The following IKZF2 variants were observed in gnomAD, a reference collection of about 807,000 sequenced individuals.
IKZF2 encodes zinc finger protein Helios.
Under a neutral mutation model 49.2 loss-of-function variants are expected in IKZF2, and 15 were observed. The ratio of observed to expected loss-of-function variants is 0.30; its 90% confidence interval spans 0.20 to 0.47. The LOEUF is 0.47. Among genes scored for constraint, IKZF2 ranks in the 20% least tolerant of loss-of-function variants. The pLI, the probability that IKZF2 is intolerant of heterozygous loss-of-function variation, is 1.00. For synonymous variants in IKZF2, 227 were observed against 221.4 expected (o/e 1.03, Z -0.23); for missense variants, 567 against 664.6 (o/e 0.85, Z 1.61).
In IKZF2 at chr2:213,022,143, C is replaced by T; in HGVS notation, c.575-13G>A. ...TGAGGTTTACCCACTGTGAAGAGAACTCAAGGTCAGTGTGCTGTTAGTCTC... is the reference window on the plus strand; with the variant it reads ...TGAGGTTTACCCACTGTGAAGAGAATTCAAGGTCAGTGTGCTGTTAGTCTC... On this transcript the variant is annotated splice_polypyrimidine_tract_variant and intron_variant, in intron 6 of 8. Transcript: ENST00000434687. The T allele has an allele frequency of 1.3e-6, 2 of 1,592,504 alleles. No individual in the cohort carries two copies. The highest frequency in any genetic ancestry group is 1.1e-5 in the South Asian group (1 of 87,372).
chr2:213,123,955 G>A lies in IKZF2; in HGVS notation c.139+23753C>T, dbSNP rs116523940. Among the ~76,000 whole-genome samples the A allele has an allele frequency of 2.6e-3, 386 of 148,080 alleles. 2 individuals carry two copies. Among genetic ancestry groups the A allele is most frequent in the African/African-American group, 8.3e-3 (334 of 40,414 alleles). On this transcript the variant is annotated intron_variant, in intron 4 of 8. Transcript: ENST00000434687. The stretch of plus-strand genomic sequence containing the variant: ...TGAGTCTTAGTGAAAAAAAAAAGCA[G>A]TGACATTTCAGACAGGCAGATGAGG...
At chr2:213,133,602 G>A (rs945009162) in intron 4 of IKZF2, among the ~76,000 whole-genome samples, 3 of 151,720 alleles carry the variant, frequency 2.0e-5, no homozygotes, top group African/African-American at 4.9e-5. Flanking sequence ...ATGGTGGCAG[G>A]TACCTGTAAT....
intron 4 of IKZF2, among the ~76,000 whole-genome samples, chr2:213,069,367 A>G (rs1401682792): frequency 6.6e-6 from 1 of 152,154 alleles, no homozygotes; most frequent in African/African-American, 2.4e-5. Context: ...ATAACCATTA[A>G]AAGTTATTTT....
intron 4 of IKZF2, among the ~76,000 whole-genome samples, chr2:213,096,922 A>C (rs1297062394): frequency 1.3e-5 from 2 of 152,068 alleles, no homozygotes; most frequent in South Asian, 2.1e-4. Flanking sequence ...ATGGTGAGTA[A>C]AACATGGTAT....
intron 6 of IKZF2, among the ~76,000 whole-genome samples, chr2:213,030,071 G>T (rs185730985): frequency 7.2e-5 from 11 of 152,132 alleles, no homozygotes; most frequent in Admixed American, 3.9e-4. Context: ...ATCAGAAATT[G>T]ATCTCTGTAT....
chr2:213,135,190 A>G (rs1014858130), intron 4 of IKZF2, among the ~76,000 whole-genome samples: 8 of 152,228 alleles, frequency 5.3e-5, no homozygotes, highest in Non-Finnish European at 8.8e-5. Context: ...CTTGTTTGTT[A>G]CATGCAAGAT....
chr2:213,040,775 A>G (rs1474695917), intron 6 of IKZF2, among the ~76,000 whole-genome samples: 6 of 152,334 alleles, frequency 3.9e-5, no homozygotes, highest in South Asian at 4.1e-4. Context: ...AATCTGAGAC[A>G]AAACTAATAA....
At chr2:213,118,525 AACTC>A (rs2059949281) in intron 4 of IKZF2, among the ~76,000 whole-genome samples, 1 of 152,238 alleles carries the variant, frequency 6.6e-6, no homozygotes, top group Non-Finnish European at 1.5e-5. Flanking sequence ...AAAAAACACT[AACTC>A]TAACAAACTG....
chr2:213,082,597 T>C (rs1204902991), intron 4 of IKZF2, among the ~76,000 whole-genome samples: 1 of 152,206 alleles, frequency 6.6e-6, no homozygotes, highest in East Asian at 1.9e-4. Flanking sequence ...AACACATATA[T>C]AGTCAATATC....
chr2:213,141,426 G>C (rs1409840115), intron 4 of IKZF2, among the ~76,000 whole-genome samples: 2 of 151,854 alleles, frequency 1.3e-5, no homozygotes, highest in African/African-American at 4.8e-5. Flanking sequence ...TCTCATACAA[G>C]ATGTTCCATT....
intron 4 of IKZF2, among the ~76,000 whole-genome samples, chr2:213,116,914 A>G (rs947069128): frequency 4.6e-5 from 7 of 152,218 alleles, no homozygotes; most frequent in African/African-American, 1.7e-4. Flanking sequence ...AATATAATTT[A>G]TAAAAATCAC....
At chr2:213,063,487 G>A (rs138228148) in intron 4 of IKZF2, among the ~76,000 whole-genome samples, 181 of 151,938 alleles carry the variant, frequency 1.2e-3, no homozygotes, top group African/African-American at 4.2e-3. Flanking sequence ...AATAACACTT[G>A]ATGTTTCTGA....
rs77078951 is a variant in IKZF2, at chr2:213,145,144, T to A, written c.139+2564A>T. 1.6e-4 allele frequency among the ~76,000 whole-genome samples: 25 copies of A among 151,600 alleles called. No homozygotes were observed. In the East Asian group the frequency reaches 4.8e-3, roughly 29 times the overall value. On this transcript the variant is annotated intron_variant, in intron 4 of 8. Coordinates refer to ENST00000434687, the MANE Select transcript of IKZF2 (RefSeq NM_001387220.1). The stretch of plus-strand genomic sequence containing the variant: ...TGAGCTCTCATGCCTTATTGATACT[T>A]TTCTGGCCAGAATGTTAGCTGTTTT...
At chr2:213,151,823 G>C (rs1462962637), upstream of IKZF2, among the ~76,000 whole-genome samples, 1 of 148,876 alleles carries the variant, frequency 6.7e-6, no homozygotes, top group Non-Finnish European at 1.5e-5. Context: ...TGCGGGGCCC[G>C]AGCGCCTGTG....
At chr2:213,148,499 G>C (rs2061158477) in intron 3 of IKZF2, 97 bp downstream of exon 3, 1 of 820,894 alleles carries the variant, frequency 1.2e-6, no homozygotes, top group Admixed American at 2.3e-5. Context: ...AAAGAGTACA[G>C]AATTCTCAAT....
rs534411178 is a variant in IKZF2, at chr2:213,076,599, A to G, written c.140-19500T>C. Among the ~76,000 whole-genome samples, 4 of 152,362 alleles carry G rather than the reference A, an allele frequency of 2.6e-5. No homozygotes were observed. The South Asian group carries it at 8.3e-4, about 32-fold the overall frequency. On this transcript the variant is annotated intron_variant, in intron 4 of 8. Coordinates refer to ENST00000434687, the MANE Select transcript of IKZF2 (RefSeq NM_001387220.1). ...TGCTAGTTATTATAATATTTTTGGA[A>G]TTAAATGTTTAATATAGAAAAGAGA... is the stretch of plus-strand genomic sequence containing the variant.
At chr2:213,066,743 A>G (rs890136160) in intron 4 of IKZF2, among the ~76,000 whole-genome samples, 1 of 152,050 alleles carries the variant, frequency 6.6e-6, no homozygotes, top group African/African-American at 2.4e-5. Flanking sequence ...GCTCATACCT[A>G]GTTTTCTACT....
chr2:213,142,092 G>C (rs1012245297), intron 4 of IKZF2, among the ~76,000 whole-genome samples: 1 of 151,864 alleles, frequency 6.6e-6, no homozygotes, highest in Non-Finnish European at 1.5e-5. Flanking sequence ...TGTAGGAATA[G>C]GTTACTCTAT....
chr2:213,063,757 G>C (rs962269062), intron 4 of IKZF2, among the ~76,000 whole-genome samples: 1 of 151,862 alleles, frequency 6.6e-6, no homozygotes, highest in Non-Finnish European at 1.5e-5. Flanking sequence ...AAGATCTTTT[G>C]ACTCGTAGCC....
Sources: allele counts gnomAD v4.1 joint callset (sites outside exome capture counted in the v4.1 genomes callset), GRCh38; gene constraint gnomAD v4.1.1; transcripts MANE v1.5; gene names NCBI Gene and HGNC (gene_info 2026-07-23, HGNC 2026-07-21).